Variants in FKBP5 observed in about 807,000 individuals in gnomAD.
The protein encoded by FKBP5 is FKBP prolyl isomerase 5, also known as peptidyl-prolyl cis-trans isomerase FKBP5.
FKBP5 carries 23 observed loss-of-function variants against 50.5 expected under a neutral mutation model. The ratio of observed to expected loss-of-function variants is 0.46; its 90% confidence interval spans 0.33 to 0.65. FKBP5 has a LOEUF of 0.65. Ranked by LOEUF, FKBP5 falls within the 30% of genes least tolerant of loss-of-function variation. FKBP5 has a pLI of 0.02. For synonymous variants in FKBP5, 176 were observed against 190.6 expected, an observed-to-expected ratio of 0.92 and a Z score of 0.63; for missense variants, 411 against 553.1, an observed-to-expected ratio of 0.74 and a Z score of 2.58.
chr6:35,671,051 G>T (rs1234408498), intron 1 of FKBP5, among the ~76,000 whole-genome samples: 2 of 151,874 alleles, frequency 1.3e-5, no homozygotes, highest in Non-Finnish European at 2.9e-5. Flanking sequence ...TTGAACCCAG[G>T]AGTTTGAGAC....
intron 1 of FKBP5, among the ~76,000 whole-genome samples, chr6:35,664,127 G>C (rs1460774059): frequency 2.0e-5 from 3 of 152,164 alleles, no homozygotes; most frequent in Non-Finnish European, 4.4e-5. Flanking sequence ...ATGCTGACAA[G>C]CACTAAGCCA....
At chr6:35,705,276 TTTTTTTTG>T (rs1561903799) in intron 2 of FKBP5, among the ~76,000 whole-genome samples, 2 of 17,680 alleles carry the variant, frequency 1.1e-4, no homozygotes, top group Non-Finnish European at 8.4e-5. Flanking sequence ...TTTTTTTTTT[TTTTTTTTG>T]GAGACAGTGT....
chr6:35,637,457 C>CTTTTTTTT (rs71002581), intron 2 of FKBP5, among the ~76,000 whole-genome samples: 2 of 73,270 alleles, frequency 2.7e-5, no homozygotes, highest in Non-Finnish European at 2.5e-5. Context: ...ACAGTAAACT[C>CTTTTTTTT]TTTTTTTTTT....
chr6:35,609,996 C>T (rs1025281050), intron 5 of FKBP5, among the ~76,000 whole-genome samples: 1 of 151,998 alleles, frequency 6.6e-6, no homozygotes, highest in South Asian at 2.1e-4. Context: ...GCTGTCTGGC[C>T]GTATTATAAA....
rs775763912 is a variant in FKBP5, at chr6:35,575,923, A to G, written c.1286T>C (p.Met429Thr). Residue 429 changes from methionine (M) to threonine (T), a missense_variant, in exon 11 of 11, where the codon ATG becomes ACG. Met to Thr is a moderately conservative substitution (Grantham distance 81). Coordinates refer to ENST00000357266, the MANE Select transcript of FKBP5 (RefSeq NM_004117.4). ...GACCCCTTCTGAAGTCTTCTTGCCC[A>G]TTGCTTTATTGGCCTCTTCCTAAGG... is the stretch of plus-strand genomic sequence containing the variant. ...QDAKEEANKA[M>T]GKKTSEGVTN... 2 of 1,611,762 alleles carry G rather than the reference A, an allele frequency of 1.2e-6. No homozygotes were observed. Among genetic ancestry groups the G allele is most frequent in the Admixed American group, 3.3e-5 (2 of 60,010 alleles).
intron 3 of FKBP5, among the ~76,000 whole-genome samples, chr6:35,633,818 C>G (rs1764233333): frequency 6.6e-6 from 1 of 152,018 alleles, no homozygotes; most frequent in Non-Finnish European, 1.5e-5. Flanking sequence ...TTTACAGAAG[C>G]AGGTAAGATT....
intron 2 of FKBP5, 150 bp from the exon 3 acceptor site, chr6:35,637,308 C>T: frequency 1.5e-6 from 1 of 683,450 alleles, no homozygotes; most frequent in East Asian, 2.9e-5. Context: ...TCATTCCTCA[C>T]AATAACTCAT....
At chr6:35,633,340 C>T (rs1035845382) in intron 3 of FKBP5, among the ~76,000 whole-genome samples, 5 of 151,964 alleles carry the variant, frequency 3.3e-5, no homozygotes, top group African/African-American at 7.2e-5. Context: ...CTCAAAAGTT[C>T]GAGACCACCC....
intron 7 of FKBP5, among the ~76,000 whole-genome samples, chr6:35,589,087 TA>T (rs200016567): frequency 0.026 from 3,628 of 137,656 alleles, 62 homozygotes; most frequent in African/African-American, 0.047. Context: ...TTTATATATA[TA>T]TTTTTATATA....
intron 7 of FKBP5, among the ~76,000 whole-genome samples, chr6:35,590,157 G>A (rs1762768513): frequency 6.6e-6 from 1 of 152,112 alleles, no homozygotes; most frequent in African/African-American, 2.4e-5. Context: ...AAATTAGCTG[G>A]GTGTGGTAGC....
chr6:35,630,198 G>A (rs1029289656), intron 3 of FKBP5, among the ~76,000 whole-genome samples: 2 of 151,872 alleles, frequency 1.3e-5, no homozygotes, highest in African/African-American at 2.4e-5. Context: ...GAGAGCGAGC[G>A]AACACAAGCG....
At position 35,660,419 on chromosome 6, in the gene FKBP5, C is replaced by A. The variant is rs541374437; in HGVS notation, c.-19-17576G>T. On this transcript the variant is annotated intron_variant, in intron 1 of 10. Transcript: ENST00000357266. ...GAGTAGCTGGGATTATAGGCATGCA[C>A]CACCACGCCCGGCTGATTTTGTATT... Among the ~76,000 whole-genome samples the A allele has an allele frequency of 3.0e-3, 236 of 79,758 alleles. 68 individuals carry two copies. Among genetic ancestry groups the A allele is most frequent in the African/African-American group, 8.8e-3 (225 of 25,552 alleles). 52.3% of individuals were successfully genotyped at this position (79,758 alleles called of 152,430 possible). A position where few individuals can be genotyped will look rare whatever the true frequency, so the allele number is the denominator to read the frequency against.
intron 9 of FKBP5, among the ~76,000 whole-genome samples, chr6:35,578,877 T>A (rs528182191): frequency 1.3e-5 from 2 of 151,830 alleles, no homozygotes; most frequent in African/African-American, 4.8e-5. Context: ...AGAAAAATAA[T>A]GTAGTCAAGG....
rs532059721 is a variant in FKBP5, at chr6:35,599,153, G to A, written c.509-1749C>T. 4.6e-5 allele frequency among the ~76,000 whole-genome samples: 7 copies of A among 152,078 alleles called. No individual in the cohort carries two copies. In the East Asian group the frequency reaches 1.2e-3, roughly 25 times the overall value. On this transcript the variant is annotated intron_variant, in intron 5 of 10. Coordinates refer to ENST00000357266, the MANE Select transcript of FKBP5 (RefSeq NM_004117.4). ...CTTGTAGAGAGACTAAAAATCACTCGTTCTGTTATACTCATTCCATGCCCA... is the reference window on the plus strand; with the variant it reads ...CTTGTAGAGAGACTAAAAATCACTCATTCTGTTATACTCATTCCATGCCCA...
intron 2 of FKBP5, among the ~76,000 whole-genome samples, chr6:35,703,566 T>A (rs969320879): frequency 1.4e-4 from 21 of 152,210 alleles, no homozygotes; most frequent in Non-Finnish European, 2.5e-4. Flanking sequence ...TTATCAATTT[T>A]AAAATATTTA....
chr6:35,647,043 A>G (rs1229887679), intron 1 of FKBP5, among the ~76,000 whole-genome samples: 1 of 152,230 alleles, frequency 6.6e-6, no homozygotes, highest in African/African-American at 2.4e-5. Context: ...GTCTTGCCTC[A>G]GATTATGCTA....
Position 35,698,367 on chromosome 6 carries a change from G to T in FKBP5, c.-20+21961C>A, listed in dbSNP as rs1290955969. ...TAAAATAAATAAATAAATAAATAAG[G>T]CCGGGCGCGGTGGCTCACGCCCGTA... On this transcript the variant is annotated intron_variant, in intron 2 of 11. Transcript: ENST00000536438. Among the ~76,000 whole-genome samples, 5 of 151,830 alleles carry T rather than the reference G, an allele frequency of 3.3e-5. No individual in the cohort carries two copies. The South Asian group carries it at 8.3e-4, about 25-fold the overall frequency.
intron 5 of FKBP5, among the ~76,000 whole-genome samples, chr6:35,605,984 A>G (rs1763302439): frequency 6.6e-6 from 1 of 152,250 alleles, no homozygotes; most frequent in Non-Finnish European, 1.5e-5. Flanking sequence ...AAGCTAGAAA[A>G]TACTCTTCTG....
intron 2 of FKBP5, among the ~76,000 whole-genome samples, chr6:35,699,395 G>A (rs1337745821): frequency 6.6e-6 from 1 of 152,174 alleles, no homozygotes; most frequent in African/African-American, 2.4e-5. Context: ...CCCAGTCCAG[G>A]TTCAAGGGGA....
Sources: allele counts gnomAD v4.1 joint callset (sites outside exome capture counted in the v4.1 genomes callset), GRCh38; gene constraint gnomAD v4.1.1; transcripts MANE v1.5; gene names NCBI Gene and HGNC (gene_info 2026-07-23, HGNC 2026-07-21).